The following IL1RAPL1 variants were observed in gnomAD, a reference collection of about 807,000 sequenced individuals.
IL1RAPL1 encodes interleukin 1 receptor accessory protein like 1.
A neutral mutation model predicts 48.4 loss-of-function variants in IL1RAPL1; 3 were observed. That is an observed-to-expected ratio of 0.06 (90% CI 0.03 to 0.16). The LOEUF is 0.16. Ranked by LOEUF, IL1RAPL1 falls within the 10% of genes least tolerant of loss-of-function variation. The pLI, the probability that IL1RAPL1 is intolerant of heterozygous loss-of-function variation, is 1.00. For synonymous variants in IL1RAPL1, 185 were observed against 187.7 expected, an observed-to-expected ratio of 0.99 and a Z score of 0.12; for missense variants, 349 against 530.6, an observed-to-expected ratio of 0.66 and a Z score of 3.36.
intron 2 of IL1RAPL1, among the ~76,000 whole-genome samples, chrX:28,926,757 C>T (rs1483788388): frequency 2.7e-5 from 3 of 111,607 alleles, no homozygotes; most frequent in African/African-American, 9.8e-5. Context: ...CTTCTTCTCT[C>T]TCTTCAAACC....
At chrX:29,745,441 T>G (rs1928309345) in intron 6 of IL1RAPL1, among the ~76,000 whole-genome samples, 1 of 80,149 alleles carries the variant, frequency 1.2e-5, no homozygotes, top group African/African-American at 4.7e-5. Context: ...GTTTTTTTTT[T>G]TTTTTTTTTT....
intron 2 of IL1RAPL1, among the ~76,000 whole-genome samples, chrX:29,060,062 A>G: frequency 8.9e-6 from 1 of 112,066 alleles, no homozygotes; most frequent in Non-Finnish European, 1.9e-5. Flanking sequence ...TACACATTCA[A>G]ACTAAAGTCT....
intron 5 of IL1RAPL1, among the ~76,000 whole-genome samples, chrX:29,603,038 G>A (rs1923774385): frequency 9.0e-6 from 1 of 111,592 alleles, no homozygotes; most frequent in African/African-American, 3.3e-5. Flanking sequence ...GGCCGAGGCG[G>A]GTGGATCACC....
chrX:29,682,140 A>T (rs180916518), intron 6 of IL1RAPL1, among the ~76,000 whole-genome samples: 1 of 111,867 alleles, frequency 8.9e-6, no homozygotes, highest in East Asian at 2.8e-4. Flanking sequence ...GTGTGGTCTT[A>T]ATTGATATTC....
At position 29,733,341 on chromosome X, in the gene IL1RAPL1, C is replaced by T. The variant is rs770683911; in HGVS notation, c.778+64837C>T. Among the ~76,000 whole-genome samples the T allele has an allele frequency of 8.9e-5, 10 of 112,012 alleles. No homozygotes were observed. In the Admixed American group the frequency reaches 9.5e-4, roughly 11 times the overall value. ...TTTTTTTAGTATTCCCAGCTTCTGG[C>T]TCAGTTCCTAGTTCAAGTAACTGCT... On this transcript the variant is annotated intron_variant, in intron 6 of 10. Coordinates refer to ENST00000378993, the MANE Select transcript of IL1RAPL1 (RefSeq NM_014271.4).
intron 2 of IL1RAPL1, among the ~76,000 whole-genome samples, chrX:29,033,211 T>A (rs748423609): frequency 9.9e-5 from 11 of 111,333 alleles, no homozygotes; most frequent in Non-Finnish European, 2.1e-4. Flanking sequence ...TAAATATAAA[T>A]ATTATATGAG....
chrX:29,328,629 A>ATG (rs1221626476), intron 3 of IL1RAPL1, among the ~76,000 whole-genome samples: 2 of 99,687 alleles, frequency 2.0e-5, no homozygotes, highest in African/African-American at 8.5e-5. Flanking sequence ...TAAATTATAT[A>ATG]TGTATATATA....
chrX:28,895,551 AG>A (rs1922894831), intron 2 of IL1RAPL1, among the ~76,000 whole-genome samples: 1 of 110,407 alleles, frequency 9.1e-6, no homozygotes, highest in Non-Finnish European at 1.9e-5. Flanking sequence ...GTCCAGGAAC[AG>A]TCAGGGAAGC....
At chrX:29,003,811 T>C (rs1925912717) in intron 2 of IL1RAPL1, among the ~76,000 whole-genome samples, 1 of 112,227 alleles carries the variant, frequency 8.9e-6, no homozygotes, top group Non-Finnish European at 1.9e-5. Flanking sequence ...CAAAACTGTA[T>C]ACTGTGAAAT....
chrX:29,619,401 T>C (rs774436167), intron 5 of IL1RAPL1, among the ~76,000 whole-genome samples: 355 of 111,949 alleles, frequency 3.2e-3, no homozygotes, highest in African/African-American at 0.011. Flanking sequence ...TTATCTTCAT[T>C]TAAACAAGCT....
intron 2 of IL1RAPL1, among the ~76,000 whole-genome samples, chrX:29,032,391 C>T (rs918438520): frequency 4.5e-5 from 5 of 111,856 alleles, no homozygotes; most frequent in African/African-American, 1.3e-4. Context: ...AAGCAGAATC[C>T]GTTGAGATGG....
chrX:29,558,762 T>G (rs1922089032), intron 5 of IL1RAPL1, among the ~76,000 whole-genome samples: 1 of 111,907 alleles, frequency 8.9e-6, no homozygotes, highest in Admixed American at 9.5e-5. Flanking sequence ...GGATATACAA[T>G]TTTCCCAGCA....
intron 1 of IL1RAPL1, among the ~76,000 whole-genome samples, chrX:28,696,130 A>C (rs917660810): frequency 4.5e-5 from 5 of 111,129 alleles, no homozygotes; most frequent in Non-Finnish European, 9.5e-5. Context: ...ATATAACTTG[A>C]ATCATAATAT....
intron 1 of IL1RAPL1, among the ~76,000 whole-genome samples, chrX:28,598,719 C>T (rs1416903832): frequency 9.4e-6 from 1 of 106,488 alleles, no homozygotes; most frequent in African/African-American, 3.4e-5. Flanking sequence ...ACCTCTGCCT[C>T]CCGGGTTCAA....
At chrX:29,021,028 A>G in intron 2 of IL1RAPL1, among the ~76,000 whole-genome samples, 1 of 109,825 alleles carries the variant, frequency 9.1e-6, no homozygotes, top group African/African-American at 3.3e-5. Context: ...GATCGAGACC[A>G]TCCTGGCCAA....
At chrX:29,580,610 T>A (rs1396304890) in intron 5 of IL1RAPL1, among the ~76,000 whole-genome samples, 1 of 111,899 alleles carries the variant, frequency 8.9e-6, no homozygotes, top group Non-Finnish European at 1.9e-5. Flanking sequence ...GTTGGCTATC[T>A]GTAAGGGGCT....
chrX:28,625,459 C>T (rs993500157), intron 1 of IL1RAPL1, among the ~76,000 whole-genome samples: 38 of 111,940 alleles, frequency 3.4e-4, no homozygotes, highest in Non-Finnish European at 6.2e-4. Context: ...GCTCACAGAA[C>T]TGTATGCTCC....
At chrX:29,593,605 T>G (rs888487153) in intron 5 of IL1RAPL1, among the ~76,000 whole-genome samples, 2 of 111,862 alleles carry the variant, frequency 1.8e-5, no homozygotes, top group African/African-American at 3.3e-5. Context: ...TTGCCTCCAT[T>G]TACACGTTCA....
Position 29,009,355 on chromosome X carries a change from G to A in IL1RAPL1, c.82+219930G>A, listed in dbSNP as rs1264648941. On this transcript the variant is annotated intron_variant, in intron 2 of 10. Transcript: ENST00000378993. Reference sequence around the variant, plus strand: ...TGTACCCCATGAACCAAAAGTAAAAGTTGGAAAAAAAAGAAATTACCTATA... The same window carrying A: ...TGTACCCCATGAACCAAAAGTAAAAATTGGAAAAAAAAGAAATTACCTATA... Among the ~76,000 whole-genome samples, 3 of 111,323 alleles carry A rather than the reference G, an allele frequency of 2.7e-5. No individual in the cohort carries two copies. The Admixed American group carries it at 2.8e-4, about 11-fold the overall frequency.
Sources: gnomAD v4.1 joint callset for allele counts (sites outside exome capture counted in the v4.1 genomes callset) on GRCh38, gnomAD v4.1.1 for gene constraint, MANE v1.5 for transcripts, NCBI Gene and HGNC (gene_info 2026-07-23, HGNC 2026-07-21) for gene names.